EPM2A: variants seen among roughly 807,000 people sequenced by gnomAD.
The protein encoded by EPM2A is laforin.
In EPM2A, 21 loss-of-function variants were observed where a neutral mutation model predicts 26.5. That is an observed-to-expected ratio of 0.79 (90% CI 0.56 to 1.14). The LOEUF (loss-of-function observed/expected upper bound fraction) is 1.14. EPM2A is among the 50% of genes most tolerant of loss of function. EPM2A has a pLI of 0.00. For synonymous variants in EPM2A, 217 were observed against 177.6 expected, an observed-to-expected ratio of 1.22 and a Z score of -1.76; for missense variants, 458 against 440.8, an observed-to-expected ratio of 1.04 and a Z score of -0.35.
intron 3 of EPM2A, chr6:145,501,907 A>G (rs1465761518): frequency 2.1e-6 from 1 of 470,386 alleles, no homozygotes; most frequent in Non-Finnish European, 4.4e-6. Flanking sequence ...TATTGTTCTC[A>G]TTTTACAGAT....
intron 3 of EPM2A, chr6:145,633,843 G>A (rs1387296637): frequency 6.6e-6 from 1 of 152,186 alleles, no homozygotes; most frequent in Non-Finnish European, 1.5e-5. Context: ...CTTCATAGCT[G>A]GTAAAGTTGC....
intron 2 of EPM2A, among the ~76,000 whole-genome samples, chr6:145,522,114 A>C (rs564302349): frequency 6.6e-6 from 1 of 152,048 alleles, no homozygotes; most frequent in African/African-American, 2.4e-5. Context: ...CACCACGCCC[A>C]GCCATTTTTT....
chr6:145,391,388 A>G (rs563035203), intron 4 of EPM2A, among the ~76,000 whole-genome samples: 2 of 152,168 alleles, frequency 1.3e-5, no homozygotes, highest in East Asian at 1.9e-4. Flanking sequence ...CTGTGCACTG[A>G]GTGCCTTTGT....
At chr6:145,605,299 A>C (rs942869426) in intron 2 of EPM2A, among the ~76,000 whole-genome samples, 1 of 152,198 alleles carries the variant, frequency 6.6e-6, no homozygotes, top group African/African-American at 2.4e-5. Context: ...TAACTAAAGC[A>C]TCCTTTGGCT....
chr6:145,533,481 C>T (rs865786331), intron 2 of EPM2A, among the ~76,000 whole-genome samples: 1 of 152,182 alleles, frequency 6.6e-6, no homozygotes, highest in Admixed American at 6.5e-5. Flanking sequence ...AATACTTCAG[C>T]TCTTTGCCAA....
intron 2 of EPM2A, among the ~76,000 whole-genome samples, chr6:145,608,174 G>T (rs929690075): frequency 6.6e-6 from 1 of 152,086 alleles, no homozygotes; most frequent in South Asian, 2.1e-4. Context: ...ATCATTGTTC[G>T]ATTTTCTTAT....
At chr6:145,488,516 TGTGTGTGAGA>T (rs945390454) in intron 4 of EPM2A, among the ~76,000 whole-genome samples, 3 of 131,676 alleles carry the variant, frequency 2.3e-5, no homozygotes, top group African/African-American at 6.7e-5. Context: ...TGTGTGTGTG[TGTGTGTGAGA>T]GAGAGAGAGA....
chr6:145,502,567 T>C (rs1207871174), exon 3 of EPM2A: 4 of 470,790 alleles, frequency 8.5e-6, no homozygotes, highest in Middle Eastern at 6.8e-4. Flanking sequence ...TCAGCTGTCC[T>C]CTTCTCATCT....
intron 2 of EPM2A, among the ~76,000 whole-genome samples, chr6:145,668,121 A>G (rs1442310405): frequency 6.6e-6 from 1 of 151,380 alleles, no homozygotes; most frequent in African/African-American, 2.4e-5. Context: ...ATATGTAACT[A>G]ACCTGCACAA....
At chr6:145,699,661 G>C (rs1781805456) in intron 1 of EPM2A, among the ~76,000 whole-genome samples, 3 of 152,190 alleles carry the variant, frequency 2.0e-5, no homozygotes, top group African/African-American at 7.2e-5. Flanking sequence ...TCAGTGGGTA[G>C]AGTGACAACA....
chr6:145,391,192 T>G (rs1778332419), intron 4 of EPM2A, among the ~76,000 whole-genome samples: 1 of 152,174 alleles, frequency 6.6e-6, no homozygotes, highest in Admixed American at 6.6e-5. Context: ...CTAACCACCA[T>G]TAAGCTTTCT....
chr6:145,585,547 A>T (rs9322029), intron 2 of EPM2A, among the ~76,000 whole-genome samples: 1 of 151,836 alleles, frequency 6.6e-6, no homozygotes, highest in Non-Finnish European at 1.5e-5. Flanking sequence ...TCATTTCTAG[A>T]TGTCTATCTA....
At chr6:145,618,491 C>T (rs760640995) in intron 2 of EPM2A, among the ~76,000 whole-genome samples, 1 of 152,188 alleles carries the variant, frequency 6.6e-6, no homozygotes, top group Non-Finnish European at 1.5e-5. Context: ...GGGAGAAACC[C>T]AGTGGGAGGT....
intron 2 of EPM2A, among the ~76,000 whole-genome samples, chr6:145,644,208 T>C (rs1481916031): frequency 3.9e-5 from 6 of 152,348 alleles, no homozygotes; most frequent in African/African-American, 1.4e-4. Context: ...TGTATCTCTG[T>C]TGTTAATGCT....
At chr6:145,724,331 A>G (rs568276146) in intron 1 of EPM2A, among the ~76,000 whole-genome samples, 2 of 152,286 alleles carry the variant, frequency 1.3e-5, no homozygotes, top group South Asian at 4.1e-4. Flanking sequence ...AAAACTAAAT[A>G]TACTATTTAA....
chr6:145,467,112 G>A (rs1779408702), intron 4 of EPM2A, among the ~76,000 whole-genome samples: 1 of 151,996 alleles, frequency 6.6e-6, no homozygotes, highest in African/African-American at 2.4e-5. Flanking sequence ...CCTGCACATT[G>A]TGCACATGTA....
At chr6:145,498,244 AGG>A (rs1779845882), downstream of EPM2A, among the ~76,000 whole-genome samples, 1 of 152,186 alleles carries the variant, frequency 6.6e-6, no homozygotes, top group Non-Finnish European at 1.5e-5. Flanking sequence ...CACTATTGCC[AGG>A]GACTGGCTGG....
intron 2 of EPM2A, among the ~76,000 whole-genome samples, chr6:145,522,556 CT>C (rs1361494457): frequency 5.9e-5 from 9 of 152,082 alleles, no homozygotes; most frequent in African/African-American, 1.9e-4. Context: ...TTAAACAGTA[CT>C]CTTTCTCCAG....
At chr6:145,697,302 T>A (rs1384870089) in intron 1 of EPM2A, among the ~76,000 whole-genome samples, 1 of 151,064 alleles carries the variant, frequency 6.6e-6, no homozygotes, top group Non-Finnish European at 1.5e-5. Flanking sequence ...GGGGAGGGAG[T>A]GTACCAATAG....
Sources: allele counts gnomAD v4.1 joint callset (sites outside exome capture counted in the v4.1 genomes callset), GRCh38; gene constraint gnomAD v4.1.1; transcripts MANE v1.5; gene names NCBI Gene and HGNC (gene_info 2026-07-23, HGNC 2026-07-21).